The following SMPDL3B variants were observed in gnomAD, a reference collection of about 807,000 sequenced individuals.
SMPDL3B encodes acid sphingomyelinase-like phosphodiesterase 3b.
Under a neutral mutation model 37.9 loss-of-function variants are expected in SMPDL3B, and 31 were observed. The observed-to-expected ratio is 0.82, with a 90% CI of 0.61 to 1.10. The LOEUF (loss-of-function observed/expected upper bound fraction) is 1.10, where lower values mean the gene tolerates loss of function less well. Ranked by LOEUF, SMPDL3B falls within the 50% of genes least tolerant of loss-of-function variation. SMPDL3B has a pLI of 0.00. For synonymous variants in SMPDL3B, 235 were observed against 242.6 expected (o/e 0.97, Z 0.29); for missense variants, 525 against 597.8 (o/e 0.88, Z 1.27).
intron 1 of SMPDL3B, among the ~76,000 whole-genome samples, 178 bp downstream of exon 1, chr1:27,935,422 T>C (rs1296941681): frequency 6.6e-6 from 1 of 151,992 alleles, no homozygotes; most frequent in African/African-American, 2.4e-5. Flanking sequence ...GCTGAAGATT[T>C]TAAGTGGAGG....
At chr1:27,956,843 C>T (rs1371842507) in intron 7 of SMPDL3B, among the ~76,000 whole-genome samples, 1 of 151,824 alleles carries the variant, frequency 6.6e-6, no homozygotes, top group Non-Finnish European at 1.5e-5. Flanking sequence ...GAGGTGTGTA[C>T]TGTGTTAGAT....
intron 1 of SMPDL3B, 69 bp downstream of exon 1, chr1:27,935,313 T>C (rs1315063378): frequency 1.2e-5 from 14 of 1,216,638 alleles, no homozygotes; most frequent in East Asian, 2.5e-5. Flanking sequence ...GGGAAGCTGC[T>C]CGCAGCCAGC....
At chr1:27,943,629 C>T (rs1172936399) in intron 1 of SMPDL3B, among the ~76,000 whole-genome samples, 1 of 152,140 alleles carries the variant, frequency 6.6e-6, no homozygotes, top group Non-Finnish European at 1.5e-5. Flanking sequence ...TCCTGGGCGT[C>T]ATTCTTGTTT....
At chr1:27,950,362 G>A (rs1249005224) in intron 3 of SMPDL3B, among the ~76,000 whole-genome samples, 2 of 152,128 alleles carry the variant, frequency 1.3e-5, no homozygotes, top group Non-Finnish European at 2.9e-5. Flanking sequence ...TCCGAGGGAG[G>A]GACTCAAACT....
chr1:27,946,439 A>G (rs1047204447), intron 2 of SMPDL3B, among the ~76,000 whole-genome samples: 1 of 152,046 alleles, frequency 6.6e-6, no homozygotes, highest in Non-Finnish European at 1.5e-5. Flanking sequence ...AGTCGTGCTC[A>G]GTTGTGGGGT....
chr1:27,941,189 C>G (rs1301904841), intron 1 of SMPDL3B, among the ~76,000 whole-genome samples: 3 of 152,220 alleles, frequency 2.0e-5, no homozygotes, highest in African/African-American at 7.2e-5. Flanking sequence ...TTTATTATTA[C>G]AGCCACCTTC....
At chr1:27,943,687 C>T (rs1375839039) in intron 1 of SMPDL3B, among the ~76,000 whole-genome samples, 2 of 152,102 alleles carry the variant, frequency 1.3e-5, no homozygotes, top group Non-Finnish European at 2.9e-5. Flanking sequence ...AACCCTCCTT[C>T]AGTAAGCAGT....
chr1:27,939,397 C>G (rs1204093769), intron 1 of SMPDL3B, among the ~76,000 whole-genome samples: 1 of 152,074 alleles, frequency 6.6e-6, no homozygotes, highest in Non-Finnish European at 1.5e-5. Context: ...GTTGCTCAGG[C>G]TGGAGTGCGG....
At chr1:27,956,895 T>C (rs1015568823) in intron 7 of SMPDL3B, among the ~76,000 whole-genome samples, 2 of 151,794 alleles carry the variant, frequency 1.3e-5, no homozygotes, top group African/African-American at 4.8e-5. Flanking sequence ...CCATTTGAGT[T>C]CTGAGTGTAT....
chr1:27,945,475 TTGCCAGGCATC>T lies in SMPDL3B; in HGVS notation c.275+34_275+44del. 1 of 1,572,312 alleles carries T rather than the reference TTGCCAGGCATC, an allele frequency of 6.4e-7. No individual in the cohort carries two copies. The highest frequency in any genetic ancestry group is 1.3e-5 in the African/African-American group (1 of 74,176). On this transcript the variant is annotated intron_variant, in intron 2 of 7. Transcript: ENST00000373894. The surrounding 1 kb of genome is among the most constrained non-coding windows in gnomAD (Gnocchi z 4.0). The stretch of plus-strand genomic sequence containing the variant: ...GTACAGTTGAGGTGGCAGCTACCCT[TTGCCAGGCATC>T]TGCTATGTGCTACATACCAGTCTGG...
intron 1 of SMPDL3B, among the ~76,000 whole-genome samples, chr1:27,943,300 T>C (rs1394048246): frequency 1.3e-5 from 2 of 152,202 alleles, no homozygotes; most frequent in African/African-American, 4.8e-5. Context: ...ATTTGCTTAA[T>C]CAGCCATTTA....
chr1:27,937,023 AAAAC>A (rs57607983), intron 1 of SMPDL3B, among the ~76,000 whole-genome samples: 33,106 of 151,182 alleles, frequency 0.22, 3,996 homozygotes, highest in Non-Finnish European at 0.27. Flanking sequence ...TCCGTCTCAA[AAAAC>A]AAACAAACAA....
At chr1:27,941,855 C>T (rs2090362022) in intron 1 of SMPDL3B, among the ~76,000 whole-genome samples, 1 of 152,186 alleles carries the variant, frequency 6.6e-6, no homozygotes, top group Non-Finnish European at 1.5e-5. Context: ...GGGATCTGCA[C>T]TCCCACAATG....
chr1:27,946,482 C>A (rs2090408421), intron 2 of SMPDL3B, among the ~76,000 whole-genome samples: 1 of 152,186 alleles, frequency 6.6e-6, no homozygotes, highest in African/African-American at 2.4e-5. Context: ...TGGACACCCA[C>A]ACTTGGCTCC....
At chr1:27,957,314 T>A (rs1192400280) in intron 7 of SMPDL3B, among the ~76,000 whole-genome samples, 1 of 152,032 alleles carries the variant, frequency 6.6e-6, no homozygotes, top group African/African-American at 2.4e-5. Flanking sequence ...CAGGATTTGC[T>A]AGAGTGGATA....
chr1:27,952,920 C>T (rs973849724), intron 3 of SMPDL3B, among the ~76,000 whole-genome samples: 9 of 152,208 alleles, frequency 5.9e-5, no homozygotes, highest in South Asian at 4.1e-4. Context: ...GACGATCGGA[C>T]TCATTTAGAC....
intron 1 of SMPDL3B, among the ~76,000 whole-genome samples, chr1:27,942,633 T>C (rs769077263): frequency 1.3e-5 from 2 of 151,840 alleles, no homozygotes; most frequent in Non-Finnish European, 2.9e-5. Context: ...TAAAAGAGTG[T>C]ACCACCATGC....
At position 27,954,408 on chromosome 1, in the gene SMPDL3B, T is replaced by G; in HGVS notation, c.572T>G (p.Val191Gly). 6.2e-7 allele frequency: 1 copy of G among 1,614,060 alleles called. No individual in the cohort carries two copies. The highest frequency in any genetic ancestry group is 1.1e-5 in the South Asian group (1 of 91,086). Residue 191 changes from valine to glycine, a missense_variant, in exon 5 of 8, where the codon GTC (valine) becomes GGC (glycine). Transcript: ENST00000373894. ...CCCAGCGGGGCTGGGCGAATTGTGG[T>G]CCTCAACACCAATCTGTACTATACC... Reference protein sequence around the residue: ...PGPSGAGRIVVLNTNLYYTSN... With the variant: ...PGPSGAGRIVGLNTNLYYTSN...
At chr1:27,955,912 C>T in intron 6 of SMPDL3B, 37 bp from the exon 7 acceptor site, 1 of 1,613,022 alleles carries the variant, frequency 6.2e-7, no homozygotes, top group Non-Finnish European at 8.5e-7. Flanking sequence ...CCTTCTCTCC[C>T]CAGACCCGCT....
Sources: allele counts gnomAD v4.1 joint callset (sites outside exome capture counted in the v4.1 genomes callset), GRCh38; gene constraint gnomAD v4.1.1; non-coding constraint Gnocchi (gnomAD v3.1); transcripts MANE v1.5; gene names NCBI Gene and HGNC (gene_info 2026-07-23, HGNC 2026-07-21).